The following ZNF550 variants were observed in gnomAD, a reference collection of about 807,000 sequenced individuals.
ZNF550 encodes zinc finger protein 550.
In ZNF550, 42 loss-of-function variants were observed where a neutral mutation model predicts 40.2. That is an observed-to-expected ratio of 1.05 (90% CI 0.82 to 1.35). The LOEUF (loss-of-function observed/expected upper bound fraction) is 1.35, where lower values mean the gene tolerates loss of function less well. ZNF550 is among the 40% of genes most tolerant of loss of function. The probability of loss-of-function intolerance (pLI) is 0.00; values close to 1 mark genes in which losing one functional copy is unlikely to be tolerated. For synonymous variants in ZNF550, 223 were observed against 198.6 expected (o/e 1.12, Z -1.03); for missense variants, 549 against 525.2 (o/e 1.05, Z -0.44).
At chr19:57,560,270 C>A (rs1219697368), upstream of ZNF550, among the ~76,000 whole-genome samples, 1 of 152,168 alleles carries the variant, frequency 6.6e-6, no homozygotes, top group African/African-American at 2.4e-5. Flanking sequence ...CTGGGACTGG[C>A]GTGGATCTGG....
At chr19:57,556,321 T>A in exon 2 of ZNF550, 1 of 1,613,916 alleles carries the variant, frequency 6.2e-7, no homozygotes, top group South Asian at 1.1e-5. Context: ...TCCTCCCGGG[T>A]AAAGGTCACA....
upstream of ZNF550, among the ~76,000 whole-genome samples, chr19:57,560,779 T>C (rs1293930608): frequency 2.0e-5 from 3 of 152,136 alleles, no homozygotes; most frequent in African/African-American, 7.2e-5. Context: ...AGTGTATAAT[T>C]AGGTCTGGGG....
chr19:57,552,550 G>C (rs534516162), intron 3 of ZNF550, 77 bp downstream of exon 3: 12 of 1,192,960 alleles, frequency 1.0e-5, no homozygotes, highest in Non-Finnish European at 1.4e-5. Context: ...GTTTCACACA[G>C]AAATTCAGAG....
At chr19:57,546,537 C>G (rs1021061037) in exon 4 of ZNF550, 1 of 992,718 alleles carries the variant, frequency 1.0e-6, no homozygotes, top group Non-Finnish European at 1.2e-6. Flanking sequence ...ATAGGACAAG[C>G]AAGTGACAAC....
At chr19:57,545,630 C>A (rs1324094170) in intron 4 of ZNF550, among the ~76,000 whole-genome samples, 1 of 150,876 alleles carries the variant, frequency 6.6e-6, no homozygotes, top group Non-Finnish European at 1.5e-5. Context: ...CACCTGTAAT[C>A]CCAACACTTT....
chr19:57,547,694 C>G, exon 4 of ZNF550: 1 of 1,614,200 alleles, frequency 6.2e-7, no homozygotes, highest in Non-Finnish European at 8.5e-7. Context: ...GAGTCACATT[C>G]ATGGAGAACA....
chr19:57,553,157 A>G (rs2269817), intron 2 of ZNF550: 17,918 of 155,000 alleles, frequency 0.12, 1,166 homozygotes, highest in East Asian at 0.26. Flanking sequence ...TGGACTTCTC[A>G]GCCTCCAGAA....
rs1599897836 is a variant in ZNF550 at position 57,554,892 on chromosome 19, G to A, written c.154+1339C>T. On this transcript the variant is annotated intron_variant, in intron 2 of 4. Coordinates refer to ENST00000457177, the Ensembl canonical transcript of ZNF550. The surrounding 1 kb of genome is among the most constrained non-coding windows in gnomAD (Gnocchi z 4.5). ...CAGCTAACTCCTACTCAGCTTTCAG[G>A]TCTCAGCTCCACTGTCACTTCCTGA... 6.6e-6 allele frequency: 1 copy of A among 152,278 alleles called. No homozygotes were observed. Among genetic ancestry groups the A allele is most frequent in the South Asian group, 2.1e-4 (1 of 4,820 alleles). 9.4% of individuals were successfully genotyped at this position (152,278 alleles called of 1,614,324 possible).
At chr19:57,550,627 C>T (rs537667184) in intron 3 of ZNF550, among the ~76,000 whole-genome samples, 45 of 152,322 alleles carry the variant, frequency 3.0e-4, no homozygotes, top group African/African-American at 8.9e-4. Context: ...TAAACAGTGG[C>T]TCCCACTGCA....
rs2090103233 is a variant in ZNF550 at position 57,554,593 on chromosome 19, G to A, written c.154+1638C>T. 1 of 152,204 alleles carries A rather than the reference G, an allele frequency of 6.6e-6. No homozygotes were observed. The highest frequency in any genetic ancestry group is 1.5e-5 in the Non-Finnish European group (1 of 68,038). 9.4% of individuals were successfully genotyped at this position (152,204 alleles called of 1,614,324 possible). A position where few individuals can be genotyped will look rare whatever the true frequency, so the allele number is the denominator to read the frequency against. ...ACTAGATGTGGTGAGTAAAAGACAGGAGGATTCTGTATAGAAGACCAATGA... is the reference window on the plus strand; with the variant it reads ...ACTAGATGTGGTGAGTAAAAGACAGAAGGATTCTGTATAGAAGACCAATGA... On this transcript the variant is annotated intron_variant, in intron 2 of 4. Coordinates refer to ENST00000457177, the Ensembl canonical transcript of ZNF550. This position sits in a 1 kb window ranked among gnomAD's most constrained non-coding sequence, Gnocchi z 4.5.
chr19:57,546,298 G>T (rs542502801), intron 4 of ZNF550, among the ~76,000 whole-genome samples: 3 of 151,350 alleles, frequency 2.0e-5, no homozygotes, highest in Non-Finnish European at 4.4e-5. Flanking sequence ...AATGCCTGAA[G>T]AGCTGCCCTC....
intron 4 of ZNF550, among the ~76,000 whole-genome samples, chr19:57,545,321 C>A (rs2089999003): frequency 6.6e-6 from 1 of 152,100 alleles, no homozygotes; most frequent in Non-Finnish European, 1.5e-5. Flanking sequence ...ATGTTGTTTT[C>A]TTGGGTTTAC....
chr19:57,547,400 T>C (rs750456161), exon 4 of ZNF550: 44 of 1,613,348 alleles, frequency 2.7e-5, no homozygotes, highest in Non-Finnish European at 3.6e-5. Flanking sequence ...TTCTCTCCAG[T>C]GTGGATTGGA....
At chr19:57,560,608 A>G (rs868695614), upstream of ZNF550, among the ~76,000 whole-genome samples, 3 of 152,046 alleles carry the variant, frequency 2.0e-5, no homozygotes, top group African/African-American at 7.2e-5. Context: ...TTGGGTTTCT[A>G]ATTTTATGGG....
exon 1 of ZNF550, chr19:57,559,683 C>T (rs970509820): frequency 6.6e-7 from 1 of 1,504,608 alleles, no homozygotes; most frequent in Non-Finnish European, 8.9e-7. Flanking sequence ...TCTCCGCCAT[C>T]CGACCGTTGG....
chr19:57,547,318 T>G, exon 4 of ZNF550: 1 of 1,614,206 alleles, frequency 6.2e-7, no homozygotes, highest in South Asian at 1.1e-5. Context: ...TTCTCCAGTG[T>G]GGGTCCTATT....
At chr19:57,544,469 A>C (rs1034891783) in intron 4 of ZNF550, 1 of 985,316 alleles carries the variant, frequency 1.0e-6, no homozygotes, top group African/African-American at 1.7e-5. Flanking sequence ...GGCCTTAGGT[A>C]CAAGTACAGC....
At chr19:57,559,528 C>T (rs1230244539) in intron 1 of ZNF550, 128 bp downstream of exon 1, 3 of 911,786 alleles carry the variant, frequency 3.3e-6, no homozygotes, top group African/African-American at 1.7e-5. Context: ...CGCGCGACCC[C>T]CTTCTAGGCC....
intron 2 of ZNF550, chr19:57,555,874 C>A (rs2090116005): frequency 3.4e-6 from 1 of 295,890 alleles, no homozygotes; most frequent in African/African-American, 2.2e-5. Flanking sequence ...GCACTGAGGA[C>A]AAATGTCTTC....
Sources: allele counts gnomAD v4.1 joint callset (sites outside exome capture counted in the v4.1 genomes callset), GRCh38; gene constraint gnomAD v4.1.1; non-coding constraint Gnocchi (gnomAD v3.1); transcripts MANE v1.5; gene names NCBI Gene and HGNC (gene_info 2026-07-23, HGNC 2026-07-21).